Variants in PLPPR1 observed in about 807,000 individuals in gnomAD.
PLPPR1 encodes the protein phospholipid phosphatase-related protein type 1.
PLPPR1 carries 10 observed loss-of-function variants against 33.1 expected under a neutral mutation model. That is an observed-to-expected ratio of 0.30 (90% CI 0.19 to 0.51). PLPPR1 has a LOEUF of 0.51. PLPPR1 is among the 20% of genes least tolerant of loss of function. The pLI, the probability that PLPPR1 is intolerant of heterozygous loss-of-function variation, is 0.97. For missense variants in PLPPR1, 304 were observed against 408.1 expected (o/e 0.74, Z 2.20); for synonymous variants, 151 against 151.0 (o/e 1.00, Z 0.00).
chr9:101,068,715 C>A (rs2118482912), intron 1 of PLPPR1, among the ~76,000 whole-genome samples: 1 of 151,942 alleles, frequency 6.6e-6, no homozygotes, highest in African/African-American at 2.4e-5. Context: ...TTAGGTGGAA[C>A]CATCTAATGA....
intron 1 of PLPPR1, among the ~76,000 whole-genome samples, chr9:101,133,161 T>G (rs75961723): frequency 6.6e-6 from 1 of 152,186 alleles, no homozygotes; most frequent in Non-Finnish European, 1.5e-5. Context: ...AATACCCACT[T>G]TGATCCACAA....
intron 1 of PLPPR1, among the ~76,000 whole-genome samples, chr9:101,029,777 C>T (rs901153283): frequency 2.6e-5 from 4 of 152,140 alleles, no homozygotes; most frequent in African/African-American, 9.6e-5. Flanking sequence ...CCTCCTAGAA[C>T]GGAGGACGCT....
At chr9:101,119,994 A>G (rs190561468) in intron 1 of PLPPR1, among the ~76,000 whole-genome samples, 2 of 152,336 alleles carry the variant, frequency 1.3e-5, no homozygotes, top group African/African-American at 2.4e-5. Context: ...CTTTACTGCC[A>G]TAATTAGAAG....
At chr9:101,313,752 T>C (rs1829003253) in intron 6 of PLPPR1, among the ~76,000 whole-genome samples, 1 of 152,246 alleles carries the variant, frequency 6.6e-6, no homozygotes, top group Admixed American at 6.5e-5. Flanking sequence ...TATTGAAGTA[T>C]AATAGGTATA....
intron 2 of PLPPR1, among the ~76,000 whole-genome samples, chr9:101,230,828 G>GTTTT (rs5899435): frequency 0.095 from 13,818 of 145,674 alleles, 1,559 homozygotes; most frequent in African/African-American, 0.27. Flanking sequence ...CATTATTAAA[G>GTTTT]TTTTTTTTTT....
chr9:101,275,878 T>C (rs537393973), intron 3 of PLPPR1, among the ~76,000 whole-genome samples: 1 of 152,258 alleles, frequency 6.6e-6, no homozygotes, highest in East Asian at 1.9e-4. Context: ...ATTACAAGAC[T>C]CATCTAGAAT....
chr9:101,058,116 A>G (rs1365882063), intron 1 of PLPPR1, among the ~76,000 whole-genome samples: 2 of 152,108 alleles, frequency 1.3e-5, no homozygotes, highest in East Asian at 1.9e-4. Flanking sequence ...TGGTTTTGTG[A>G]GCACTGAGAT....
chr9:101,091,867 C>A (rs543835903), intron 1 of PLPPR1, among the ~76,000 whole-genome samples: 1 of 152,320 alleles, frequency 6.6e-6, no homozygotes, highest in South Asian at 2.1e-4. Context: ...CAATTCGGAT[C>A]TCATCAACTC....
At chr9:101,184,027 TTAAG>T (rs1471858135) in intron 1 of PLPPR1, among the ~76,000 whole-genome samples, 3 of 151,666 alleles carry the variant, frequency 2.0e-5, no homozygotes, top group Admixed American at 6.6e-5. Flanking sequence ...GATATTTGGG[TTAAG>T]TAAGGGCAAA....
Position 101,316,616 on chromosome 9 carries a change from C to CAAAAAAAAAAAAAAAAAAAAAAAAA in PLPPR1, c.814-737_814-736insAAAAAAAAAAAAAAAAAAAAAAAAA, listed in dbSNP as rs553324474. Among the ~76,000 whole-genome samples the CAAAAAAAAAAAAAAAAAAAAAAAAA allele has an allele frequency of 1.9e-3, 157 of 82,450 alleles. 14 individuals carry two copies. Among genetic ancestry groups the CAAAAAAAAAAAAAAAAAAAAAAAAA allele is most frequent in the African/African-American group, 7.9e-3 (136 of 17,154 alleles). 54.1% of individuals were successfully genotyped at this position (82,450 alleles called of 152,430 possible). On this transcript the variant is annotated intron_variant, in intron 6 of 7. Transcript: ENST00000374874. The stretch of plus-strand genomic sequence containing the variant: ...AGGGAAAAGGAGGGTTCTTCTTGGG[C>CAAAAAAAAAAAAAAAAAAAAAAAAA]AAAAAAAAAAAAGCAGGGAAGATGG...
At chr9:101,042,537 G>T (rs370136777) in intron 1 of PLPPR1, among the ~76,000 whole-genome samples, 113 of 152,194 alleles carry the variant, frequency 7.4e-4, no homozygotes, top group African/African-American at 2.6e-3. Context: ...AATAATGATG[G>T]GTTACCTGCC....
intron 3 of PLPPR1, among the ~76,000 whole-genome samples, chr9:101,272,344 T>C (rs1334362388): frequency 3.9e-5 from 6 of 152,146 alleles, no homozygotes; most frequent in Admixed American, 3.9e-4. Context: ...CAAGGCCTTT[T>C]CATAAATGAA....
chr9:101,061,863 G>A (rs560578721), intron 1 of PLPPR1, among the ~76,000 whole-genome samples: 1 of 151,940 alleles, frequency 6.6e-6, no homozygotes, highest in Non-Finnish European at 1.5e-5. Context: ...AACCTCTACA[G>A]TTCCTCTAAA....
At chr9:101,213,786 GA>G (rs753267503) in intron 2 of PLPPR1, among the ~76,000 whole-genome samples, 2 of 152,028 alleles carry the variant, frequency 1.3e-5, no homozygotes. Flanking sequence ...AAAACAGAGG[GA>G]AACTTAGTTT....
intron 1 of PLPPR1, among the ~76,000 whole-genome samples, chr9:101,163,871 G>A (rs938166809): frequency 8.5e-5 from 13 of 152,174 alleles, no homozygotes; most frequent in African/African-American, 3.1e-4. Flanking sequence ...TTACCACCCT[G>A]TGAGGTGTGG....
intron 2 of PLPPR1, among the ~76,000 whole-genome samples, chr9:101,205,217 G>A (rs1826566666): frequency 6.6e-6 from 1 of 152,124 alleles, no homozygotes; most frequent in Admixed American, 6.6e-5. Context: ...CACTAGGAGA[G>A]TTAAAAAATG....
At chr9:101,309,078 G>A in intron 4 of PLPPR1, 133 bp from the exon 5 acceptor site, 1 of 877,386 alleles carries the variant, frequency 1.1e-6, no homozygotes. Context: ...ACCACTCCTG[G>A]AAAGATACTC....
At chr9:101,061,704 G>A (rs1444540101) in intron 1 of PLPPR1, among the ~76,000 whole-genome samples, 1 of 149,678 alleles carries the variant, frequency 6.7e-6, no homozygotes, top group Non-Finnish European at 1.5e-5. Context: ...TTCTTCTCAA[G>A]ATCAAGGAAG....
intron 3 of PLPPR1, among the ~76,000 whole-genome samples, chr9:101,277,440 A>G (rs1249821009): frequency 6.6e-6 from 1 of 152,170 alleles, no homozygotes. Context: ...GTAAGGGTGA[A>G]GGCCCATGGG....
Sources: allele counts gnomAD v4.1 joint callset (sites outside exome capture counted in the v4.1 genomes callset), GRCh38; gene constraint gnomAD v4.1.1; transcripts MANE v1.5; gene names NCBI Gene and HGNC (gene_info 2026-07-23, HGNC 2026-07-21).